The following PIP4K2A variants were observed in gnomAD, a reference collection of about 807,000 sequenced individuals.
The protein encoded by PIP4K2A is phosphatidylinositol 5-phosphate 4-kinase type-2 alpha.
A neutral mutation model predicts 42.9 loss-of-function variants in PIP4K2A; 14 were observed. That is an observed-to-expected ratio of 0.33 (90% confidence interval 0.22 to 0.51). The LOEUF (loss-of-function observed/expected upper bound fraction) is 0.51, where lower values mean the gene tolerates loss of function less well. Among genes scored for constraint, PIP4K2A ranks in the 20% least tolerant of loss-of-function variants. PIP4K2A has a pLI of 0.97. For missense variants in PIP4K2A, 434 were observed against 519.8 expected (o/e 0.83, Z 1.61); for synonymous variants, 192 against 192.2 (o/e 1.00, Z 0.01).
At chr10:22,690,413 C>G (rs1839842299) in intron 1 of PIP4K2A, among the ~76,000 whole-genome samples, 1 of 152,184 alleles carries the variant, frequency 6.6e-6, no homozygotes. Flanking sequence ...AGGGTTCCCC[C>G]TACTTGGAAA....
At chr10:22,607,757 A>G (rs2130702514) in intron 3 of PIP4K2A, 170 bp downstream of exon 3, 1 of 516,514 alleles carries the variant, frequency 1.9e-6, no homozygotes, top group Non-Finnish European at 3.5e-6. Context: ...AGAGGTCCCC[A>G]ATCAAGAGAA....
intron 6 of PIP4K2A, among the ~76,000 whole-genome samples, chr10:22,555,581 C>T (rs1284250421): frequency 6.6e-6 from 1 of 152,108 alleles, no homozygotes; most frequent in Non-Finnish European, 1.5e-5. Flanking sequence ...CTGCCCAAAC[C>T]TCAGTTTCCT....
intron 7 of PIP4K2A, among the ~76,000 whole-genome samples, chr10:22,548,659 C>A (rs1256040763): frequency 6.6e-6 from 1 of 152,160 alleles, no homozygotes; most frequent in African/African-American, 2.4e-5. Context: ...TAACCACTCA[C>A]AACTGAGGAA....
In PIP4K2A at chr10:22,664,094, T is replaced by TATATATAC. The variant is rs1265121435; in HGVS notation, c.144+50088_144+50089insGTATATAT. ...ATATATACGTATATATATATACATA[T>TATATATAC]ATATATATACATATATATATACATA... On this transcript the variant is annotated intron_variant, in intron 1 of 9. Transcript: ENST00000376573. Among the ~76,000 whole-genome samples the TATATATAC allele has an allele frequency of 3.6e-3, 309 of 85,146 alleles. 32 individuals are homozygous for TATATATAC. Among genetic ancestry groups the TATATATAC allele is most frequent in the African/African-American group, 0.025 (295 of 11,702 alleles). 55.9% of individuals were successfully genotyped at this position (85,146 alleles called of 152,430 possible).
At chr10:22,677,299 G>A (rs1839578124) in intron 1 of PIP4K2A, among the ~76,000 whole-genome samples, 1 of 152,194 alleles carries the variant, frequency 6.6e-6, no homozygotes. Flanking sequence ...ATCAGACTGA[G>A]ACTTAATGGG....
intron 1 of PIP4K2A, among the ~76,000 whole-genome samples, chr10:22,664,171 A>ATATATACACACACACATACACG: frequency 1.7e-5 from 1 of 60,198 alleles, no homozygotes; most frequent in African/African-American, 1.3e-4. Flanking sequence ...ATATATACAT[A>ATATATACACACACACATACACG]TATATATATA....
chr10:22,709,396 T>C (rs1370506746), intron 1 of PIP4K2A, among the ~76,000 whole-genome samples: 1 of 152,204 alleles, frequency 6.6e-6, no homozygotes, highest in Non-Finnish European at 1.5e-5. Flanking sequence ...GTTCCAAAGT[T>C]AGCATTTGAA....
chr10:22,540,201 G>T (rs1488598952), intron 8 of PIP4K2A, 127 bp from the exon 9 acceptor site: 1 of 669,912 alleles, frequency 1.5e-6, no homozygotes, highest in Non-Finnish European at 2.7e-6. Flanking sequence ...CGGATGGAAG[G>T]AGTCCAGAGA....
chr10:22,571,669 A>C (rs1210974640), intron 5 of PIP4K2A, among the ~76,000 whole-genome samples: 1 of 152,270 alleles, frequency 6.6e-6, no homozygotes, highest in Non-Finnish European at 1.5e-5. Flanking sequence ...AATGTAACTA[A>C]GCTTTGAGAA....
rs1564460223 is a variant in PIP4K2A at position 22,664,170 on chromosome 10, TATATATATATAC to T, written c.144+50001_144+50012del. On this transcript the variant is annotated intron_variant, in intron 1 of 9. Coordinates refer to ENST00000376573, the MANE Select transcript of PIP4K2A (RefSeq NM_005028.5). ...ATATATACACATATATATATATACA[TATATATATATAC>T]ATATATATACATATATATATACATA... Among the ~76,000 whole-genome samples the T allele has an allele frequency of 2.5e-3, 154 of 61,782 alleles. 5 individuals are homozygous for T. The highest frequency in any genetic ancestry group is 0.019 in the African/African-American group (150 of 8,068). The allele number at this position is 61,782 out of a possible 152,430, so 40.5% of individuals were successfully genotyped here. A position where few individuals can be genotyped will look rare whatever the true frequency, so the allele number is the denominator to read the frequency against.
At chr10:22,670,036 A>G (rs1350505708) in intron 1 of PIP4K2A, among the ~76,000 whole-genome samples, 2 of 152,190 alleles carry the variant, frequency 1.3e-5, no homozygotes, top group African/African-American at 4.8e-5. Context: ...CATTAATTGC[A>G]GTCTTAATAA....
intron 1 of PIP4K2A, among the ~76,000 whole-genome samples, chr10:22,615,026 T>C (rs1245262820): frequency 6.6e-6 from 1 of 152,248 alleles, no homozygotes; most frequent in East Asian, 1.9e-4. Flanking sequence ...AAATTATTAG[T>C]TTGGCATCCT....
At chr10:22,638,644 C>A (rs1281340206) in intron 1 of PIP4K2A, among the ~76,000 whole-genome samples, 3 of 151,980 alleles carry the variant, frequency 2.0e-5, no homozygotes, top group Non-Finnish European at 4.4e-5. Context: ...TCCTAGTGAA[C>A]AGGGATCAAT....
At chr10:22,640,024 T>C (rs918217754) in intron 1 of PIP4K2A, among the ~76,000 whole-genome samples, 8 of 69,178 alleles carry the variant, frequency 1.2e-4, no homozygotes, top group Admixed American at 3.5e-4. Context: ...CTTTTTTTTT[T>C]TTTTTTTTTT....
chr10:22,597,301 A>G (rs1837656335), intron 3 of PIP4K2A, among the ~76,000 whole-genome samples: 2 of 152,194 alleles, frequency 1.3e-5, no homozygotes, highest in African/African-American at 4.8e-5. Context: ...ACACAGCGTA[A>G]CACAGGGCTG....
intron 1 of PIP4K2A, among the ~76,000 whole-genome samples, chr10:22,614,603 G>T (rs1183034734): frequency 6.6e-6 from 1 of 152,192 alleles, no homozygotes; most frequent in Non-Finnish European, 1.5e-5. Flanking sequence ...CTACTTAAAA[G>T]AGAAGCTTTT....
intron 1 of PIP4K2A, among the ~76,000 whole-genome samples, chr10:22,626,899 T>C (rs532455493): frequency 8.5e-5 from 13 of 152,218 alleles, no homozygotes; most frequent in African/African-American, 2.2e-4. Context: ...TTCAAAAATA[T>C]GTCATGCCAA....
At chr10:22,643,373 T>C (rs375728282) in intron 1 of PIP4K2A, among the ~76,000 whole-genome samples, 2 of 152,334 alleles carry the variant, frequency 1.3e-5, no homozygotes, top group South Asian at 2.1e-4. Flanking sequence ...ACAGAAACTG[T>C]ATGGCCTAAA....
intron 6 of PIP4K2A, among the ~76,000 whole-genome samples, chr10:22,555,296 GTGACTTGGTT>G (rs1564418623): frequency 6.6e-6 from 1 of 152,128 alleles, no homozygotes; most frequent in Non-Finnish European, 1.5e-5. Flanking sequence ...TTACCTCTCT[GTGACTTGGTT>G]TCCCATCTTT....
Sources: gnomAD v4.1 joint callset for allele counts (sites outside exome capture counted in the v4.1 genomes callset) on GRCh38, gnomAD v4.1.1 for gene constraint, MANE v1.5 for transcripts, NCBI Gene and HGNC (gene_info 2026-07-23, HGNC 2026-07-21) for gene names.